FAM81B: variants seen among roughly 807,000 people sequenced by gnomAD.
FAM81B encodes the protein family with sequence similarity 81 member B.
A neutral mutation model predicts 58.7 loss-of-function variants in FAM81B; 60 were observed. The observed-to-expected ratio is 1.02, with a 90% CI of 0.83 to 1.27. The LOEUF (loss-of-function observed/expected upper bound fraction) is 1.27. Ranked by LOEUF, FAM81B falls within the 50% of genes most tolerant of loss-of-function variation. The pLI is 0.00. For synonymous variants in FAM81B, 189 were observed against 179.6 expected (o/e 1.05, Z -0.42); for missense variants, 491 against 522.0 (o/e 0.94, Z 0.58).
intron 3 of FAM81B, among the ~76,000 whole-genome samples, chr5:95,409,194 T>C (rs759680966): frequency 7.9e-5 from 12 of 152,240 alleles, no homozygotes; most frequent in Admixed American, 6.5e-5. Flanking sequence ...AGTCTCGCTC[T>C]GTCGCCCAGG....
intron 3 of FAM81B, among the ~76,000 whole-genome samples, chr5:95,399,503 G>A (rs1439051050): frequency 6.7e-6 from 1 of 149,848 alleles, no homozygotes; most frequent in Non-Finnish European, 1.5e-5. Context: ...CACCTGTGAT[G>A]GGCAAGGCTC....
intron 6 of FAM81B, among the ~76,000 whole-genome samples, chr5:95,432,691 G>A (rs1258401368): frequency 6.6e-6 from 1 of 151,994 alleles, no homozygotes; most frequent in East Asian, 1.9e-4. Context: ...ATAAAGTTAT[G>A]CAAAATGCTT....
At chr5:95,441,164 C>T (rs907357705) in intron 7 of FAM81B, among the ~76,000 whole-genome samples, 2 of 152,126 alleles carry the variant, frequency 1.3e-5, no homozygotes, top group African/African-American at 2.4e-5. Context: ...ATGATACCAG[C>T]GGCTAAAACA....
chr5:95,446,433 A>G, intron 7 of FAM81B, 129 bp from the exon 8 acceptor site: 1 of 920,286 alleles, frequency 1.1e-6, no homozygotes, highest in Non-Finnish European at 1.6e-6. Context: ...GGCACCTCCC[A>G]CATCACCCCA....
At chr5:95,407,150 C>T (rs1762269414) in intron 3 of FAM81B, among the ~76,000 whole-genome samples, 1 of 152,114 alleles carries the variant, frequency 6.6e-6, no homozygotes. Flanking sequence ...GCCCCCACCC[C>T]ACCAGACAGT....
In FAM81B at chr5:95,413,954, G is replaced by A. The variant is rs758797725; in HGVS notation, c.301G>A (p.Ala101Thr). 1.9e-6 allele frequency: 3 copies of A among 1,612,676 alleles called. No individual in the cohort carries two copies. The highest frequency in any genetic ancestry group is 2.2e-5 in the East Asian group (1 of 44,860). The change falls in exon 4 of 10, where the codon GCT becomes ACT. Residue 101 changes from alanine to threonine, a missense_variant. Physicochemically the swap from Ala to Thr is moderately conservative, Grantham distance 58. Coordinates refer to ENST00000283357, the MANE Select transcript of FAM81B (RefSeq NM_152548.3). ...DLVEYVDKSH[A>T]FLPIIPNTQR... ...TTTCCTTTTTCTGATCAGGAGTCATGCTTTTCTCCCCATCATTCCAAACAC... is the reference window on the plus strand; with the variant it reads ...TTTCCTTTTTCTGATCAGGAGTCATACTTTTCTCCCCATCATTCCAAACAC...
intron 4 of FAM81B, among the ~76,000 whole-genome samples, 182 bp downstream of exon 4, chr5:95,414,372 T>C (rs879169979): frequency 1.7e-4 from 26 of 152,196 alleles, no homozygotes; most frequent in Admixed American, 1.5e-3. Flanking sequence ...TGTTCATTTA[T>C]GCCAAAAAGT....
At chr5:95,435,186 G>T (rs1007704126) in intron 6 of FAM81B, among the ~76,000 whole-genome samples, 1 of 152,230 alleles carries the variant, frequency 6.6e-6, no homozygotes, top group African/African-American at 2.4e-5. Context: ...AGTAGTCACA[G>T]CCCTTGGCCA....
chr5:95,444,889 C>G (rs1745496398), intron 7 of FAM81B, among the ~76,000 whole-genome samples: 1 of 152,054 alleles, frequency 6.6e-6, no homozygotes, highest in South Asian at 2.1e-4. Context: ...TGTTGTGAGT[C>G]TCTCCTGTGC....
chr5:95,392,274 GT>G (rs1346138625), intron 1 of FAM81B, among the ~76,000 whole-genome samples: 3 of 152,138 alleles, frequency 2.0e-5, no homozygotes, highest in Admixed American at 6.5e-5. Context: ...AACACCACAT[GT>G]TCTCACTCAC....
chr5:95,424,205 C>T (rs1237466020), intron 5 of FAM81B: 2 of 1,289,772 alleles, frequency 1.6e-6, no homozygotes, highest in South Asian at 1.2e-5. Context: ...CAGAAACATT[C>T]AAAGACATAA....
In FAM81B at chr5:95,443,990, C is replaced by T. The variant is rs774290377; in HGVS notation, c.894-2572C>T. ...ATACAGTAAAGGTGGGCACTGAAGGCTGGATTCTCAATTGTAAAGCTATCT... is the reference window on the plus strand; with the variant it reads ...ATACAGTAAAGGTGGGCACTGAAGGTTGGATTCTCAATTGTAAAGCTATCT... On this transcript the variant is annotated intron_variant, in intron 7 of 9. Coordinates refer to ENST00000283357, the MANE Select transcript of FAM81B (RefSeq NM_152548.3). 2.6e-5 allele frequency among the ~76,000 whole-genome samples: 4 copies of T among 152,116 alleles called. No homozygotes were observed. In the South Asian group the frequency reaches 8.3e-4, roughly 32 times the overall value.
intron 8 of FAM81B, 41 bp downstream of exon 8, chr5:95,446,738 G>A: frequency 6.2e-7 from 1 of 1,600,480 alleles, no homozygotes; most frequent in Middle Eastern, 1.7e-4. Context: ...CACCTGCATA[G>A]TCCTTGTTAG....
In FAM81B at chr5:95,391,405, C is replaced by T. The variant is rs771061770; in HGVS notation, c.16C>T (p.Leu6Phe). The change falls in exon 1 of 10, where the codon CTT becomes TTT. Residue 6 changes from leucine to phenylalanine, a missense_variant. Physicochemically the swap from Leu to Phe is conservative, Grantham distance 22 (BLOSUM62 0). Transcript: ENST00000283357. Reference sequence around the variant, plus strand: ...CTTAGTTAGGATGCAATTACAATTCCTTGGTACATTGGCTTCCTCAGAAAA... The same window carrying T: ...CTTAGTTAGGATGCAATTACAATTCTTTGGTACATTGGCTTCCTCAGAAAA... The part of the protein sequence containing the change: MQLQF[L>F]GTLASSEKRK... 1.2e-6 allele frequency: 2 copies of T among 1,613,346 alleles called. No homozygotes were observed. The highest frequency in any genetic ancestry group is 1.1e-5 in the South Asian group (1 of 90,994).
intron 5 of FAM81B, among the ~76,000 whole-genome samples, chr5:95,423,874 CA>C (rs1379372644): frequency 6.6e-6 from 1 of 152,124 alleles, no homozygotes; most frequent in Non-Finnish European, 1.5e-5. Context: ...CACTAGTCAA[CA>C]GTCATAATTT....
intron 3 of FAM81B, among the ~76,000 whole-genome samples, chr5:95,399,941 G>C (rs1459472365): frequency 6.6e-6 from 1 of 152,204 alleles, no homozygotes; most frequent in Non-Finnish European, 1.5e-5. Context: ...AGGAGAAAGA[G>C]GAGAGGCTAA....
intron 3 of FAM81B, among the ~76,000 whole-genome samples, chr5:95,413,505 T>C (rs1342866425): frequency 6.6e-6 from 1 of 152,228 alleles, no homozygotes; most frequent in Non-Finnish European, 1.5e-5. Context: ...CAAGGTTTTC[T>C]AAGTGTATTT....
Position 95,420,498 on chromosome 5 carries a change from G to T in FAM81B, c.656+96G>T, listed in dbSNP as rs79003032. 6,429 of 1,527,892 alleles carry T rather than the reference G, an allele frequency of 4.2e-3. 39 individuals are homozygous for T. The highest frequency in any genetic ancestry group is 0.02 in the Middle Eastern group (114 of 5,762). The allele number at this position is 1,527,892 out of a possible 1,614,324, so 94.6% of individuals were successfully genotyped here. On this transcript the variant is annotated intron_variant, in intron 5 of 9. Coordinates refer to ENST00000283357, the MANE Select transcript of FAM81B (RefSeq NM_152548.3). ...CTCCATGCTGTGGAAAAAAGATATT[G>T]TCTACACATTAAGCTAAACTAATGA...
chr5:95,419,704 A>G (rs930975954), intron 4 of FAM81B, among the ~76,000 whole-genome samples: 9 of 152,172 alleles, frequency 5.9e-5, no homozygotes, highest in African/African-American at 2.2e-4. Context: ...GAAATCTCTC[A>G]TATTCTCTAA....
Sources: allele counts gnomAD v4.1 joint callset (sites outside exome capture counted in the v4.1 genomes callset), GRCh38; gene constraint gnomAD v4.1.1; transcripts MANE v1.5; gene names NCBI Gene and HGNC (gene_info 2026-07-23, HGNC 2026-07-21).